Variants in CAMK1D observed in about 807,000 individuals in gnomAD.
CAMK1D encodes calcium/calmodulin dependent protein kinase ID, also known as calcium/calmodulin-dependent protein kinase type 1D.
Under a neutral mutation model 47.7 loss-of-function variants are expected in CAMK1D, and 9 were observed. That is an observed-to-expected ratio of 0.19 (90% CI 0.11 to 0.33). CAMK1D has a LOEUF of 0.33. Ranked by LOEUF, CAMK1D falls within the 10% of genes least tolerant of loss-of-function variation. CAMK1D has a pLI of 1.00. For synonymous variants in CAMK1D, 184 were observed against 184.9 expected (o/e 0.99, Z 0.04); for missense variants, 291 against 488.7 (o/e 0.60, Z 3.81).
At chr10:12,521,287 A>G (rs959371066) in intron 1 of CAMK1D, among the ~76,000 whole-genome samples, 5 of 152,070 alleles carry the variant, frequency 3.3e-5, no homozygotes, top group Non-Finnish European at 5.9e-5. Flanking sequence ...GCTATATTCC[A>G]CAAATTTTTG....
intron 1 of CAMK1D, among the ~76,000 whole-genome samples, chr10:12,361,569 T>C (rs1564292786): frequency 1.9e-5 from 1 of 51,962 alleles, no homozygotes; most frequent in South Asian, 6.4e-4. Context: ...TTTTTTTTTT[T>C]AATTGAGATG....
In CAMK1D at chr10:12,787,431, C is replaced by G. The variant is rs138451331; in HGVS notation, c.566-3727C>G. 1.5e-3 allele frequency among the ~76,000 whole-genome samples: 234 copies of G among 152,256 alleles called. 1 individual carries two copies. The highest frequency in any genetic ancestry group is 5.3e-3 in the African/African-American group (221 of 41,554). ...GAGGTTGTTCTTTTAAAGAGTCCTC[C>G]CTCCCACCATCCACGATGCTGGAGA... is the stretch of plus-strand genomic sequence containing the variant. On this transcript the variant is annotated intron_variant, in intron 5 of 10. Transcript: ENST00000619168.
At chr10:12,378,255 A>G (rs1282007277) in intron 1 of CAMK1D, among the ~76,000 whole-genome samples, 1 of 152,084 alleles carries the variant, frequency 6.6e-6, no homozygotes, top group Non-Finnish European at 1.5e-5. Context: ...TTTAATAGAT[A>G]TATTTTTTAG....
chr10:12,803,623 C>G (rs1838579708), intron 6 of CAMK1D, among the ~76,000 whole-genome samples: 2 of 152,084 alleles, frequency 1.3e-5, no homozygotes, highest in Non-Finnish European at 2.9e-5. Flanking sequence ...CCATTGCACT[C>G]CAGCCTGGGT....
chr10:12,381,105 G>A (rs1271111595), intron 1 of CAMK1D, among the ~76,000 whole-genome samples: 1 of 152,210 alleles, frequency 6.6e-6, no homozygotes. Context: ...AAAAAAGGAA[G>A]TAGGAATGAA....
At chr10:12,519,893 T>C (rs1194952999) in intron 1 of CAMK1D, among the ~76,000 whole-genome samples, 1 of 23,138 alleles carries the variant, frequency 4.3e-5, no homozygotes, top group Non-Finnish European at 8.5e-5. Flanking sequence ...GGCGGGGGGC[T>C]GACCCCCCAC....
At chr10:12,743,134 G>C (rs887012839) in intron 3 of CAMK1D, among the ~76,000 whole-genome samples, 16 of 152,124 alleles carry the variant, frequency 1.1e-4, no homozygotes, top group Admixed American at 9.8e-4. Context: ...CTTGAGGTCA[G>C]GAGTTTGAGA....
rs1290816383 is a variant in CAMK1D at position 12,829,901 on chromosome 10, G to C, written c.*1014G>C. On this transcript the variant is annotated 3_prime_UTR_variant, in exon 11 of 11. Transcript: ENST00000619168. ...GGGACTTTGGTAGAGAATCTGCACA[G>C]AGCCTTTGCTGGCAACCCATCCAGC... 1 of 152,146 alleles carries C rather than the reference G, an allele frequency of 6.6e-6. No homozygotes were observed. Among genetic ancestry groups the C allele is most frequent in the Non-Finnish European group, 1.5e-5 (1 of 68,078 alleles). The allele number at this position is 152,146 out of a possible 1,614,324, so 9.4% of individuals were successfully genotyped here.
At chr10:12,774,198 T>A (rs1387926652) in intron 5 of CAMK1D, among the ~76,000 whole-genome samples, 4 of 152,078 alleles carry the variant, frequency 2.6e-5, no homozygotes, top group Non-Finnish European at 5.9e-5. Context: ...TTCATTCGTG[T>A]GTTAGGTGGC....
intron 2 of CAMK1D, among the ~76,000 whole-genome samples, chr10:12,563,614 A>G (rs1306105178): frequency 1.3e-5 from 2 of 149,704 alleles, no homozygotes; most frequent in Admixed American, 6.7e-5. Flanking sequence ...GACCAAGTGG[A>G]TGGCAGGTTC....
intron 1 of CAMK1D, among the ~76,000 whole-genome samples, chr10:12,443,206 A>G (rs1482238593): frequency 6.6e-6 from 1 of 152,126 alleles, no homozygotes; most frequent in Non-Finnish European, 1.5e-5. Context: ...TGTGCGGCAG[A>G]TCTTCTCGGG....
chr10:12,769,617 C>A (rs1836942483), intron 4 of CAMK1D, 56 bp from the exon 5 acceptor site: 2 of 1,593,238 alleles, frequency 1.3e-6, no homozygotes, highest in African/African-American at 1.3e-5. Context: ...GAGTCTTCCA[C>A]AATTAACCCA....
chr10:12,776,618 C>T (rs941613797), intron 5 of CAMK1D, among the ~76,000 whole-genome samples: 3 of 152,118 alleles, frequency 2.0e-5, no homozygotes, highest in Admixed American at 2.0e-4. Flanking sequence ...TTTAAAGACA[C>T]CTTATTGAAT....
At chr10:12,623,645 C>A (rs906273004) in intron 2 of CAMK1D, among the ~76,000 whole-genome samples, 4 of 151,660 alleles carry the variant, frequency 2.6e-5, no homozygotes, top group African/African-American at 2.4e-5. Context: ...CAAATGGTTG[C>A]CCTGGAGAAT....
chr10:12,698,217 G>T (rs1833372437), intron 3 of CAMK1D, among the ~76,000 whole-genome samples: 1 of 152,144 alleles, frequency 6.6e-6, no homozygotes, highest in South Asian at 2.1e-4. Context: ...GTCACTTGAT[G>T]CAAAATAGTT....
intron 2 of CAMK1D, among the ~76,000 whole-genome samples, chr10:12,604,893 C>A (rs1588681576): frequency 6.9e-6 from 1 of 144,850 alleles, no homozygotes; most frequent in Non-Finnish European, 1.5e-5. Context: ...CCTTTTTTTT[C>A]TTTTTTTTTT....
At chr10:12,765,026 C>T (rs1294605585) in intron 4 of CAMK1D, among the ~76,000 whole-genome samples, 2 of 152,070 alleles carry the variant, frequency 1.3e-5, no homozygotes, top group African/African-American at 4.8e-5. Flanking sequence ...ACCCAAGAGG[C>T]GGAGGTTGCA....
chr10:12,350,519 C>A (rs900599566), intron 1 of CAMK1D, among the ~76,000 whole-genome samples: 7 of 152,014 alleles, frequency 4.6e-5, no homozygotes, highest in African/African-American at 1.7e-4. Context: ...GCCGCACGCG[C>A]CGGGGAGCGC....
At chr10:12,681,722 T>A (rs932629119) in intron 3 of CAMK1D, among the ~76,000 whole-genome samples, 3 of 152,242 alleles carry the variant, frequency 2.0e-5, no homozygotes, top group Non-Finnish European at 4.4e-5. Flanking sequence ...ATCAAACTTA[T>A]TTGTCAACAA....
Sources: gnomAD v4.1 joint callset for allele counts (sites outside exome capture counted in the v4.1 genomes callset) on GRCh38, gnomAD v4.1.1 for gene constraint, MANE v1.5 for transcripts, NCBI Gene and HGNC (gene_info 2026-07-23, HGNC 2026-07-21) for gene names.